The following FAM135B variants were observed in gnomAD, a reference collection of about 807,000 sequenced individuals.
FAM135B encodes the protein family with sequence similarity 135 member B, also known as protein FAM135B.
In FAM135B, 43 loss-of-function variants were observed where a neutral mutation model predicts 127.7. The ratio of observed to expected loss-of-function variants is 0.34; its 90% confidence interval spans 0.26 to 0.43. The LOEUF is 0.43. Among genes scored for constraint, FAM135B ranks in the 20% least tolerant of loss-of-function variants. FAM135B has a pLI of 1.00. For missense variants in FAM135B, 1,558 were observed against 1,725.6 expected, an observed-to-expected ratio of 0.90 and a Z score of 1.72; for synonymous variants, 670 against 665.1, an observed-to-expected ratio of 1.01 and a Z score of -0.11.
At chr8:138,362,825 A>G (rs1830513317) in intron 2 of FAM135B, among the ~76,000 whole-genome samples, 1 of 152,138 alleles carries the variant, frequency 6.6e-6, no homozygotes, top group Admixed American at 6.5e-5. Flanking sequence ...TAGCTGGTAA[A>G]CACCTCAATG....
chr8:138,369,045 T>C (rs554295910), intron 1 of FAM135B, among the ~76,000 whole-genome samples: 3 of 152,316 alleles, frequency 2.0e-5, no homozygotes, highest in South Asian at 2.1e-4. Flanking sequence ...AACTCTGGAA[T>C]GTGCTGGTGG....
At chr8:138,288,534 C>G (rs1345109912) in intron 3 of FAM135B, among the ~76,000 whole-genome samples, 1 of 151,910 alleles carries the variant, frequency 6.6e-6, no homozygotes, top group Non-Finnish European at 1.5e-5. Flanking sequence ...AATGATCATG[C>G]CAAGGAGAAA....
chr8:138,224,327 T>C lies in FAM135B; in HGVS notation c.669+18615A>G, dbSNP rs189327444. Among the ~76,000 whole-genome samples, 6 of 152,332 alleles carry C rather than the reference T, an allele frequency of 3.9e-5. No homozygotes were observed. In the East Asian group the frequency reaches 7.7e-4, roughly 20 times the overall value. ...TAGGTGTCCAGCTGAGATGGAACAA[T>C]GCAGAAAGTCATCCAGCATCAAATA... On this transcript the variant is annotated intron_variant, in intron 7 of 19. Transcript: ENST00000395297.
intron 2 of FAM135B, among the ~76,000 whole-genome samples, chr8:138,356,939 A>T (rs1830127827): frequency 6.6e-6 from 1 of 152,152 alleles, no homozygotes; most frequent in Non-Finnish European, 1.5e-5. Flanking sequence ...GAGGTTTTAG[A>T]AGGGGTGGAG....
At chr8:138,380,329 T>C (rs1347217564) in intron 1 of FAM135B, among the ~76,000 whole-genome samples, 3 of 152,102 alleles carry the variant, frequency 2.0e-5, no homozygotes, top group African/African-American at 4.8e-5. Flanking sequence ...TCTGAGTAAC[T>C]GGGATTACAG....
At chr8:138,392,576 C>T (rs75533272) in intron 1 of FAM135B, among the ~76,000 whole-genome samples, 163 of 152,178 alleles carry the variant, frequency 1.1e-3, no homozygotes, top group East Asian at 9.5e-3. Flanking sequence ...GCTACTCTGT[C>T]GGGATTTTTC....
intron 4 of FAM135B, among the ~76,000 whole-genome samples, chr8:138,265,171 T>A (rs1188966346): frequency 1.3e-5 from 2 of 152,232 alleles, no homozygotes; most frequent in African/African-American, 4.8e-5. Flanking sequence ...CATGTGCATC[T>A]GAGGCCAGCT....
chr8:138,244,244 C>T (rs1821107317), intron 6 of FAM135B, among the ~76,000 whole-genome samples: 1 of 152,080 alleles, frequency 6.6e-6, no homozygotes, highest in Admixed American at 6.5e-5. Context: ...AGATGTAATA[C>T]AATGCAGGAA....
chr8:138,238,467 A>G lies in FAM135B; in HGVS notation c.669+4475T>C, dbSNP rs919326656. Reference sequence around the variant, plus strand: ...CCAACTCTAAATGTGGAATGTCTAGATGTCAAAGGTGCTGTAGGAAAGAAA... The same window carrying G: ...CCAACTCTAAATGTGGAATGTCTAGGTGTCAAAGGTGCTGTAGGAAAGAAA... On this transcript the variant is annotated intron_variant, in intron 7 of 19. Transcript: ENST00000395297. 3.3e-5 allele frequency among the ~76,000 whole-genome samples: 5 copies of G among 152,224 alleles called. No individual in the cohort carries two copies. The South Asian group carries it at 1.0e-3, about 32-fold the overall frequency.
At chr8:138,248,239 A>T (rs1166554382) in intron 6 of FAM135B, among the ~76,000 whole-genome samples, 3 of 152,178 alleles carry the variant, frequency 2.0e-5, no homozygotes, top group Non-Finnish European at 4.4e-5. Context: ...CTAATCCTAA[A>T]AACCATCCCT....
In FAM135B at chr8:138,226,150, C is replaced by CGTGTGTGTGTGTGT. The variant is rs72185111; in HGVS notation, c.669+16778_669+16791dup. The stretch of plus-strand genomic sequence containing the variant: ...AAAATACAATTTTCTGGGGACCCAC[C>CGTGTGTGTGTGTGT]GTGTGTGTGTGTGTGTGTGTGTGTG... On this transcript the variant is annotated intron_variant, in intron 7 of 19. Coordinates refer to ENST00000395297, the MANE Select transcript of FAM135B (RefSeq NM_015912.4). Among the ~76,000 whole-genome samples the CGTGTGTGTGTGTGT allele has an allele frequency of 6.9e-3, 924 of 133,476 alleles. 16 individuals are homozygous for CGTGTGTGTGTGTGT. Among genetic ancestry groups the CGTGTGTGTGTGTGT allele is most frequent in the African/African-American group, 0.024 (852 of 35,554 alleles). The allele number at this position is 133,476 out of a possible 152,430, so 87.6% of individuals were successfully genotyped here.
intron 1 of FAM135B, among the ~76,000 whole-genome samples, chr8:138,386,071 C>T (rs970005658): frequency 6.6e-6 from 1 of 151,914 alleles, no homozygotes. Flanking sequence ...AAAAAAGTAG[C>T]TGGGCGTGGT....
chr8:138,332,694 C>A (rs372332208), intron 2 of FAM135B, among the ~76,000 whole-genome samples: 3 of 152,142 alleles, frequency 2.0e-5, no homozygotes, highest in African/African-American at 7.2e-5. Flanking sequence ...AGAGTGAACA[C>A]GGAGTGCAGG....
intron 6 of FAM135B, among the ~76,000 whole-genome samples, chr8:138,246,840 T>C (rs1313922140): frequency 2.0e-5 from 3 of 152,206 alleles, no homozygotes; most frequent in African/African-American, 4.8e-5. Context: ...GAGGGGACTG[T>C]ACCCTGCAAA....
At chr8:138,202,038 T>C (rs895806956) in intron 7 of FAM135B, among the ~76,000 whole-genome samples, 2 of 146,464 alleles carry the variant, frequency 1.4e-5, no homozygotes, top group African/African-American at 5.1e-5. Context: ...GGCAGGAGAA[T>C]CGCTTGAACC....
chr8:138,213,364 T>C (rs768473971), intron 7 of FAM135B, among the ~76,000 whole-genome samples: 2 of 152,220 alleles, frequency 1.3e-5, no homozygotes, highest in Non-Finnish European at 2.9e-5. Flanking sequence ...ATTCTTTCTA[T>C]TAATATCGTT....
chr8:138,193,021 C>T (rs116176914), intron 9 of FAM135B, among the ~76,000 whole-genome samples: 339 of 152,290 alleles, frequency 2.2e-3, no homozygotes, highest in African/African-American at 7.6e-3. Context: ...CTGGCTCCGA[C>T]GTGCATAATC....
intron 1 of FAM135B, among the ~76,000 whole-genome samples, chr8:138,444,721 C>G (rs1212854269): frequency 6.6e-6 from 1 of 152,020 alleles, no homozygotes; most frequent in East Asian, 1.9e-4. Context: ...AATTGACACC[C>G]TAACATCACA....
intron 1 of FAM135B, among the ~76,000 whole-genome samples, chr8:138,411,164 A>C (rs566109820): frequency 6.6e-6 from 1 of 151,648 alleles, no homozygotes; most frequent in Non-Finnish European, 1.5e-5. Flanking sequence ...GGAACCAAAA[A>C]AGAGCCCACG....
Sources: gnomAD v4.1 joint callset for allele counts (sites outside exome capture counted in the v4.1 genomes callset) on GRCh38, gnomAD v4.1.1 for gene constraint, MANE v1.5 for transcripts, NCBI Gene and HGNC (gene_info 2026-07-23, HGNC 2026-07-21) for gene names.